The following KDM4C variants were observed in gnomAD, a reference collection of about 807,000 sequenced individuals.
KDM4C encodes lysine-specific demethylase 4C.
A neutral mutation model predicts 129.3 loss-of-function variants in KDM4C; 81 were observed. The ratio of observed to expected loss-of-function variants is 0.63; its 90% CI spans 0.52 to 0.75. KDM4C has a LOEUF of 0.75. Ranked by LOEUF, KDM4C falls within the 30% of genes least tolerant of loss-of-function variation. The pLI is 0.00. For synonymous variants in KDM4C, 573 were observed against 456.1 expected (o/e 1.26, Z -3.26); for missense variants, 1,457 against 1,304.0 (o/e 1.12, Z -1.81).
chr9:6,893,440 T>C, intron 8 of KDM4C: 2 of 394,314 alleles, frequency 5.1e-6, no homozygotes, highest in Non-Finnish European at 9.0e-6. Flanking sequence ...TTGAGATTAA[T>C]GTGGAGCAAT....
At chr9:6,765,593 C>T (rs1820458686) in intron 1 of KDM4C, among the ~76,000 whole-genome samples, 1 of 152,158 alleles carries the variant, frequency 6.6e-6, no homozygotes, top group East Asian at 1.9e-4. Flanking sequence ...CTCACTAGCA[C>T]TATAGTATAG....
intron 8 of KDM4C, among the ~76,000 whole-genome samples, chr9:6,907,856 C>G (rs1372626051): frequency 2.6e-5 from 4 of 152,154 alleles, no homozygotes; most frequent in African/African-American, 9.7e-5. Flanking sequence ...CATTTTCATA[C>G]AATTAAAAGT....
chr9:6,750,767 TAATA>T (rs1324927887), intron 1 of KDM4C, among the ~76,000 whole-genome samples: 1 of 152,264 alleles, frequency 6.6e-6, no homozygotes, highest in Non-Finnish European at 1.5e-5. Flanking sequence ...TATTACTGCA[TAATA>T]AATAACCTCA....
intron 7 of KDM4C, among the ~76,000 whole-genome samples, chr9:6,889,250 T>TGTGTGTGTGTGTG (rs1554627898): frequency 3.5e-5 from 1 of 28,214 alleles, no homozygotes; most frequent in Non-Finnish European, 8.0e-5. Flanking sequence ...TGTGTGTGTG[T>TGTGTGTGTGTGTG]GGGAGGGTGG....
chr9:7,111,442 C>T (rs1838305030), intron 18 of KDM4C, among the ~76,000 whole-genome samples: 1 of 152,112 alleles, frequency 6.6e-6, no homozygotes, highest in African/African-American at 2.4e-5. Context: ...GAGAGATGTG[C>T]AACCTGTACT....
At chr9:6,974,260 A>G (rs1228129965) in intron 8 of KDM4C, among the ~76,000 whole-genome samples, 2 of 152,230 alleles carry the variant, frequency 1.3e-5, no homozygotes, top group Non-Finnish European at 2.9e-5. Context: ...CTCTCTAACA[A>G]GGAAATCAGT....
Position 6,787,118 on chromosome 9 carries a change from A to G in KDM4C, c.-17-5854A>G, listed in dbSNP as rs542303113. On this transcript the variant is annotated intron_variant, in intron 1 of 21. Coordinates refer to ENST00000381309, the MANE Select transcript of KDM4C (RefSeq NM_015061.6). ...TAGTGATGCTAGAAACTGGCAGAGT[A>G]TATTTCCTAGACCAGTTAGCAAACT... Among the ~76,000 whole-genome samples, 126 of 152,358 alleles carry G rather than the reference A, an allele frequency of 8.3e-4. 1 individual carries two copies. Among genetic ancestry groups the G allele is most frequent in the Non-Finnish European group, 1.5e-3 (101 of 68,036 alleles).
chr9:6,863,613 G>A (rs1382451403), intron 5 of KDM4C, among the ~76,000 whole-genome samples: 1 of 151,904 alleles, frequency 6.6e-6, no homozygotes, highest in Admixed American at 6.6e-5. Flanking sequence ...TGGCTAACAC[G>A]GTGAAACCTT....
chr9:6,785,545 G>A (rs190186239), intron 1 of KDM4C, among the ~76,000 whole-genome samples: 2 of 152,068 alleles, frequency 1.3e-5, no homozygotes, highest in Non-Finnish European at 2.9e-5. Context: ...TGCCGTATTG[G>A]CCAGGCTGGT....
chr9:6,756,682 A>T (rs1157265735), upstream of KDM4C, among the ~76,000 whole-genome samples: 1 of 152,140 alleles, frequency 6.6e-6, no homozygotes, highest in African/African-American at 2.4e-5. Flanking sequence ...GCGCCATTGC[A>T]CTCCAAACTG....
intron 8 of KDM4C, among the ~76,000 whole-genome samples, chr9:6,975,237 T>G (rs1589411563): frequency 6.6e-6 from 1 of 152,120 alleles, no homozygotes; most frequent in Non-Finnish European, 1.5e-5. Flanking sequence ...TTTTGGAAAA[T>G]TGTTAGCTAG....
intron 1 of KDM4C, among the ~76,000 whole-genome samples, chr9:6,724,203 T>G (rs1174491184): frequency 6.6e-6 from 1 of 152,140 alleles, no homozygotes; most frequent in Non-Finnish European, 1.5e-5. Context: ...CAGCTACAAG[T>G]GATGGTGACT....
At chr9:6,913,091 C>T (rs775620136) in intron 8 of KDM4C, among the ~76,000 whole-genome samples, 6 of 152,190 alleles carry the variant, frequency 3.9e-5, no homozygotes, top group Non-Finnish European at 7.3e-5. Context: ...ATACTTGAGA[C>T]ATAACCTTGG....
intron 4 of KDM4C, among the ~76,000 whole-genome samples, chr9:6,840,988 T>G (rs1041320383): frequency 6.6e-6 from 1 of 152,186 alleles, no homozygotes; most frequent in Non-Finnish European, 1.5e-5. Flanking sequence ...GGTGATGGCA[T>G]TTTTGTGGTG....
At chr9:6,762,188 T>G (rs1019848588) in intron 1 of KDM4C, among the ~76,000 whole-genome samples, 1 of 152,154 alleles carries the variant, frequency 6.6e-6, no homozygotes, top group Non-Finnish European at 1.5e-5. Flanking sequence ...CATGTTGGTT[T>G]GCTGCACTGA....
intron 1 of KDM4C, among the ~76,000 whole-genome samples, chr9:6,732,137 T>C (rs143514994): frequency 9.3e-4 from 141 of 151,614 alleles, no homozygotes; most frequent in African/African-American, 2.9e-3. Flanking sequence ...GAGGCCAAGG[T>C]GGGCGGATCA....
chr9:6,736,150 G>GT (rs1455700456), intron 1 of KDM4C, among the ~76,000 whole-genome samples: 12 of 152,126 alleles, frequency 7.9e-5, no homozygotes, highest in African/African-American at 2.2e-4. Flanking sequence ...AAGCATTCGC[G>GT]TGGTGACTTG....
chr9:6,963,064 A>G (rs572365048), intron 8 of KDM4C, among the ~76,000 whole-genome samples: 7 of 152,308 alleles, frequency 4.6e-5, no homozygotes, highest in South Asian at 2.1e-4. Flanking sequence ...ACTTTATGCA[A>G]ATTACTTAAT....
chr9:6,846,263 C>T (rs182261441), intron 4 of KDM4C, among the ~76,000 whole-genome samples: 26 of 152,208 alleles, frequency 1.7e-4, no homozygotes, highest in Non-Finnish European at 3.1e-4. Context: ...TTACCATCTA[C>T]TTCTAGCTAG....
Sources: gnomAD v4.1 joint callset for allele counts (sites outside exome capture counted in the v4.1 genomes callset) on GRCh38, gnomAD v4.1.1 for gene constraint, MANE v1.5 for transcripts, NCBI Gene and HGNC (gene_info 2026-07-23, HGNC 2026-07-21) for gene names.